Variants in ABHD3 observed in about 807,000 individuals in gnomAD.
ABHD3 encodes the protein abhydrolase domain containing 3, phospholipase.
In ABHD3, 46 loss-of-function variants were observed where a neutral mutation model predicts 48.8. That is an observed-to-expected ratio of 0.94 (90% CI 0.74 to 1.20). ABHD3 has a LOEUF of 1.20. Among genes scored for constraint, ABHD3 ranks in the 50% most tolerant of loss-of-function variants. ABHD3 has a pLI of 0.00. For missense variants in ABHD3, 490 were observed against 497.8 expected (o/e 0.98, Z 0.15); for synonymous variants, 192 against 183.7 (o/e 1.04, Z -0.36).
chr18:21,666,071 G>A (rs927588584), intron 4 of ABHD3, among the ~76,000 whole-genome samples: 43 of 151,374 alleles, frequency 2.8e-4, no homozygotes, highest in Non-Finnish European at 4.0e-4. Flanking sequence ...TTGCTCTGTC[G>A]CCCAGGCTGG....
At chr18:21,682,386 C>T (rs1186694065) in intron 4 of ABHD3, 1 of 152,226 alleles carries the variant, frequency 6.6e-6, no homozygotes, top group Non-Finnish European at 1.5e-5. Flanking sequence ...CTTCAAGATC[C>T]AACTCAGAAC....
intron 8 of ABHD3, among the ~76,000 whole-genome samples, chr18:21,654,043 G>GGA: frequency 6.6e-6 from 1 of 151,458 alleles, no homozygotes; most frequent in East Asian, 1.9e-4. Context: ...GTAGAGATGG[G>GGA]GTTTCACCAT....
intron 3 of ABHD3, among the ~76,000 whole-genome samples, chr18:21,696,225 G>A (rs1444593797): frequency 2.7e-5 from 4 of 150,510 alleles, no homozygotes; most frequent in African/African-American, 7.3e-5. Flanking sequence ...CTCACTGCAA[G>A]CTCTGCCTCC....
At chr18:21,703,558 A>G in intron 2 of ABHD3, 26 bp downstream of exon 2, 1 of 1,591,622 alleles carries the variant, frequency 6.3e-7, no homozygotes, top group Non-Finnish European at 8.6e-7. Context: ...TTTTGCAGAA[A>G]TGACTGAAAA....
Position 21,702,227 on chromosome 18 carries a change from T to A in ABHD3, c.509+89A>T. ...AGGGACTGCTTTTCTATGCAAGAAG[T>A]ACTAAGTATTTCTGAAACAAACATG... On this transcript the variant is annotated intron_variant, in intron 3 of 8. Transcript: ENST00000289119. 2.5e-6 allele frequency: 3 copies of A among 1,188,826 alleles called. No individual in the cohort carries two copies. In the South Asian group the frequency reaches 5.5e-5, roughly 22 times the overall value. 73.6% of individuals were successfully genotyped at this position (1,188,826 alleles called of 1,614,324 possible).
intron 4 of ABHD3, among the ~76,000 whole-genome samples, chr18:21,664,935 A>G (rs1182518536): frequency 6.6e-6 from 1 of 152,004 alleles, no homozygotes; most frequent in Non-Finnish European, 1.5e-5. Context: ...GCCTGGCCCA[A>G]AGTAACTTTA....
intron 4 of ABHD3, among the ~76,000 whole-genome samples, chr18:21,677,075 T>A (rs982450769): frequency 6.6e-6 from 1 of 152,198 alleles, no homozygotes; most frequent in Admixed American, 6.5e-5. Flanking sequence ...CTACTTTCTG[T>A]GTCTATAGAT....
intron 1 of ABHD3, among the ~76,000 whole-genome samples, chr18:21,704,035 G>T (rs541170467): frequency 9.2e-5 from 14 of 152,232 alleles, no homozygotes; most frequent in Non-Finnish European, 1.8e-4. Context: ...GGGATTGCAG[G>T]CGTCCGCCAC....
chr18:21,689,899 A>G (rs999988132), intron 3 of ABHD3, among the ~76,000 whole-genome samples: 16 of 152,210 alleles, frequency 1.1e-4, no homozygotes, highest in African/African-American at 1.9e-4. Context: ...TTGCAAAAGT[A>G]TAACAGAATC....
chr18:21,663,799 C>T, intron 5 of ABHD3: 6 of 1,533,438 alleles, frequency 3.9e-6, no homozygotes, highest in Non-Finnish European at 4.4e-6. Flanking sequence ...CCAGGGATGG[C>T]TGGGAGTGCG....
At chr18:21,691,368 T>C (rs2040248377) in intron 3 of ABHD3, among the ~76,000 whole-genome samples, 1 of 152,154 alleles carries the variant, frequency 6.6e-6, no homozygotes, top group Non-Finnish European at 1.5e-5. Context: ...TGAGCTATAG[T>C]CTGAAAAACA....
rs1300532302 is a variant in ABHD3 at position 21,666,331 on chromosome 18, C to T, written c.556-2101G>A. Among the ~76,000 whole-genome samples the T allele has an allele frequency of 5.3e-5, 8 of 152,116 alleles. No individual in the cohort carries two copies. The East Asian group carries it at 7.7e-4, about 15-fold the overall frequency. ...GCCTCAGTCTCCTGAGTAGCTGGGA[C>T]TACAGGTACGTACCACCACGCCTGG... On this transcript the variant is annotated intron_variant, in intron 4 of 8. Transcript: ENST00000289119.
At chr18:21,676,921 T>A (rs1435838154) in intron 4 of ABHD3, among the ~76,000 whole-genome samples, 1 of 152,130 alleles carries the variant, frequency 6.6e-6, no homozygotes, top group Non-Finnish European at 1.5e-5. Flanking sequence ...GAGATGTAAT[T>A]TGCATACCAT....
chr18:21,698,041 C>G (rs757292181), intron 3 of ABHD3, among the ~76,000 whole-genome samples: 14 of 152,020 alleles, frequency 9.2e-5, no homozygotes, highest in Admixed American at 2.0e-4. Flanking sequence ...GTGCACCCTG[C>G]GCCTCAGGGA....
At chr18:21,679,574 G>A (rs568344295) in intron 4 of ABHD3, among the ~76,000 whole-genome samples, 114 of 152,312 alleles carry the variant, frequency 7.5e-4, no homozygotes, top group African/African-American at 2.7e-3. Flanking sequence ...TGTCGCCCAG[G>A]CTGGAGTGCA....
chr18:21,704,749 C>G lies in ABHD3; in HGVS notation c.-84G>C, dbSNP rs547796202. 1.5e-5 allele frequency: 15 copies of G among 969,374 alleles called. No individual in the cohort carries two copies. Among genetic ancestry groups the G allele is most frequent in the Non-Finnish European group, 1.6e-5 (13 of 789,884 alleles). 60.0% of individuals were successfully genotyped at this position (969,374 alleles called of 1,614,324 possible). A position where few individuals can be genotyped will look rare whatever the true frequency, so the allele number is the denominator to read the frequency against. On this transcript the variant is annotated 5_prime_UTR_variant, in exon 1 of 9. Coordinates refer to ENST00000289119, the MANE Select transcript of ABHD3 (RefSeq NM_138340.5). ...CGAGAGCGGGCGAGAGCGGACGCGG[C>G]GCCGCTGCCTACTCCCGACCACAGT...
intron 4 of ABHD3, among the ~76,000 whole-genome samples, chr18:21,669,465 T>C (rs935416046): frequency 6.6e-6 from 1 of 152,140 alleles, no homozygotes; most frequent in African/African-American, 2.4e-5. Context: ...TCTGCTTATT[T>C]TCTGGTCAAT....
chr18:21,667,780 C>T (rs575148169), intron 4 of ABHD3, among the ~76,000 whole-genome samples: 2 of 152,186 alleles, frequency 1.3e-5, no homozygotes, highest in African/African-American at 4.8e-5. Context: ...GGTTAAATAA[C>T]TCCTGTAACA....
At chr18:21,703,840 C>T in intron 1 of ABHD3, 93 bp from the exon 2 acceptor site, 9 of 1,409,194 alleles carry the variant, frequency 6.4e-6, no homozygotes, top group Non-Finnish European at 8.8e-6. Context: ...CTCGCGCGCG[C>T]GCTTCCTCCG....
Sources: allele counts gnomAD v4.1 joint callset (sites outside exome capture counted in the v4.1 genomes callset), GRCh38; gene constraint gnomAD v4.1.1; transcripts MANE v1.5; gene names NCBI Gene and HGNC (gene_info 2026-07-23, HGNC 2026-07-21).